The following LYPD6 variants were observed in gnomAD, a reference collection of about 807,000 sequenced individuals.
LYPD6 encodes the protein LY6/PLAUR domain containing 6.
A neutral mutation model predicts 22.7 loss-of-function variants in LYPD6; 15 were observed. That is an observed-to-expected ratio of 0.66 (90% CI 0.44 to 1.02). The LOEUF is 1.02. LYPD6 is among the 50% of genes least tolerant of loss of function. The pLI, the probability that LYPD6 is intolerant of heterozygous loss-of-function variation, is 0.00. For missense variants in LYPD6, 189 were observed against 208.4 expected (o/e 0.91, Z 0.57); for synonymous variants, 72 against 77.5 (o/e 0.93, Z 0.37).
intron 2 of LYPD6, among the ~76,000 whole-genome samples, chr2:149,440,693 CTTTTTTTT>C (rs764789006): frequency 6.6e-5 from 6 of 91,068 alleles, no homozygotes; most frequent in Admixed American, 1.4e-4. Context: ...TTCTGTCCAC[CTTTTTTTT>C]TTTTTTTTTT....
intron 1 of LYPD6, among the ~76,000 whole-genome samples, chr2:149,412,365 T>C (rs1265713583): frequency 6.6e-6 from 1 of 152,108 alleles, no homozygotes; most frequent in Admixed American, 6.5e-5. Flanking sequence ...TTATTTCTTT[T>C]TTTTTTTTGT....
intron 1 of LYPD6, among the ~76,000 whole-genome samples, chr2:149,386,810 G>C (rs1682196496): frequency 6.6e-6 from 1 of 152,208 alleles, no homozygotes; most frequent in Non-Finnish European, 1.5e-5. Flanking sequence ...CCAGATGGCT[G>C]ACAGTGGGCC....
chr2:149,467,823 T>C (rs945168875), intron 3 of LYPD6, among the ~76,000 whole-genome samples: 3 of 152,074 alleles, frequency 2.0e-5, no homozygotes, highest in African/African-American at 7.2e-5. Flanking sequence ...CATAAAGAAT[T>C]ACATTGACAA....
chr2:149,384,476 C>T (rs1408274213), intron 1 of LYPD6, among the ~76,000 whole-genome samples: 1 of 152,184 alleles, frequency 6.6e-6, no homozygotes, highest in Non-Finnish European at 1.5e-5. Context: ...ATATCTCCAT[C>T]ATCTGCTTTG....
At chr2:149,365,425 CAG>C (rs988653589) in intron 1 of LYPD6, among the ~76,000 whole-genome samples, 1 of 152,178 alleles carries the variant, frequency 6.6e-6, no homozygotes, top group African/African-American at 2.4e-5. Flanking sequence ...ATTTCAAGTT[CAG>C]AGTTTCCAGT....
chr2:149,442,768 C>T (rs897608245), intron 2 of LYPD6, among the ~76,000 whole-genome samples: 2 of 152,030 alleles, frequency 1.3e-5, no homozygotes, highest in Admixed American at 6.5e-5. Flanking sequence ...TAACCATTTA[C>T]TTGGTATTAT....
At chr2:149,403,503 G>C (rs1484236250) in intron 1 of LYPD6, among the ~76,000 whole-genome samples, 1 of 145,900 alleles carries the variant, frequency 6.9e-6, no homozygotes, top group Admixed American at 6.8e-5. Flanking sequence ...ATTTTTTCAT[G>C]TGTTTTTTGG....
chr2:149,367,375 C>G (rs1681699274), intron 1 of LYPD6, among the ~76,000 whole-genome samples: 1 of 152,122 alleles, frequency 6.6e-6, no homozygotes, highest in Admixed American at 6.5e-5. Flanking sequence ...TGTGGGCCTT[C>G]TCAACATTGG....
intron 1 of LYPD6, among the ~76,000 whole-genome samples, chr2:149,346,660 T>G (rs1332093275): frequency 6.6e-6 from 1 of 152,252 alleles, no homozygotes; most frequent in Non-Finnish European, 1.5e-5. Flanking sequence ...CAGGCACTTC[T>G]CAGACTTACT....
rs539424155 is a variant in LYPD6 at position 149,366,560 on chromosome 2, G to A, written c.-72+35838G>A. On this transcript the variant is annotated intron_variant, in intron 1 of 4. Transcript: ENST00000334166. Reference sequence around the variant, plus strand: ...GAGCCAGAGAAAAAGAACAAGGATGGCAAGAAGAGTCCAGGGACTGGGGGA... The same window carrying A: ...GAGCCAGAGAAAAAGAACAAGGATGACAAGAAGAGTCCAGGGACTGGGGGA... Among the ~76,000 whole-genome samples the A allele has an allele frequency of 3.9e-5, 6 of 152,310 alleles. No homozygotes were observed. The South Asian group carries it at 1.2e-3, about 32-fold the overall frequency.
intron 1 of LYPD6, among the ~76,000 whole-genome samples, chr2:149,351,404 A>AT (rs1681356653): frequency 6.6e-6 from 1 of 151,208 alleles, no homozygotes; most frequent in East Asian, 1.9e-4. Flanking sequence ...AAAAAAAAAA[A>AT]AAAAAAAAAA....
At chr2:149,450,355 C>A (rs993087431) in intron 3 of LYPD6, among the ~76,000 whole-genome samples, 20 of 152,192 alleles carry the variant, frequency 1.3e-4, no homozygotes, top group African/African-American at 4.3e-4. Flanking sequence ...CAGCTCTACA[C>A]AAATTGAGCC....
intron 1 of LYPD6, among the ~76,000 whole-genome samples, chr2:149,377,781 A>ACCCCCCCCCCCCCC: frequency 1.1e-5 from 1 of 94,320 alleles, no homozygotes; most frequent in Admixed American, 1.1e-4. Context: ...CTTTGTCCCC[A>ACCCCCCCCCCCCCC]CCCCCCCCCC....
At chr2:149,434,770 A>C (rs1323022569) in intron 1 of LYPD6, among the ~76,000 whole-genome samples, 1 of 152,176 alleles carries the variant, frequency 6.6e-6, no homozygotes, top group Non-Finnish European at 1.5e-5. Flanking sequence ...AATCACGGCA[A>C]GTTCCTGTCC....
chr2:149,410,400 G>A (rs1330775859), intron 1 of LYPD6, among the ~76,000 whole-genome samples: 3 of 152,042 alleles, frequency 2.0e-5, no homozygotes, highest in Admixed American at 2.0e-4. Flanking sequence ...ATTTCCTATG[G>A]CATCAAGTAC....
chr2:149,474,496 C>G (rs1033709546), downstream of LYPD6, among the ~76,000 whole-genome samples: 1 of 152,156 alleles, frequency 6.6e-6, no homozygotes. Flanking sequence ...GTGTGAGCCA[C>G]TGCACCCAAT....
chr2:149,434,462 C>A (rs1298623951), intron 1 of LYPD6, among the ~76,000 whole-genome samples: 1 of 152,174 alleles, frequency 6.6e-6, no homozygotes, highest in Non-Finnish European at 1.5e-5. Context: ...CCCTTCAAGA[C>A]ATTTCTCACT....
At chr2:149,375,465 GGCATGA>G in intron 1 of LYPD6, among the ~76,000 whole-genome samples, 1 of 152,204 alleles carries the variant, frequency 6.6e-6, no homozygotes, top group South Asian at 2.1e-4. Context: ...CCTCTGTATT[GGCATGA>G]CGAAAATAAA....
chr2:149,417,664 C>A (rs1055557211), intron 1 of LYPD6, among the ~76,000 whole-genome samples: 1 of 152,022 alleles, frequency 6.6e-6, no homozygotes, highest in Admixed American at 6.6e-5. Context: ...AAAGAGTTCC[C>A]AAGGACTATA....
Sources: gnomAD v4.1 joint callset for allele counts (sites outside exome capture counted in the v4.1 genomes callset) on GRCh38, gnomAD v4.1.1 for gene constraint, MANE v1.5 for transcripts, NCBI Gene and HGNC (gene_info 2026-07-23, HGNC 2026-07-21) for gene names.